Variants in VPS13B observed in about 807,000 individuals in gnomAD.
VPS13B encodes the protein intermembrane lipid transfer protein VPS13B.
A neutral mutation model predicts 426.4 loss-of-function variants in VPS13B; 285 were observed. That is an observed-to-expected ratio of 0.67 (90% CI 0.61 to 0.74). The LOEUF (loss-of-function observed/expected upper bound fraction) is 0.74, where lower values mean the gene tolerates loss of function less well. VPS13B is among the 30% of genes least tolerant of loss of function. VPS13B has a pLI of 0.00. For synonymous variants in VPS13B, 1,676 were observed against 1,676.4 expected, an observed-to-expected ratio of 1.00 and a Z score of 0.01; for missense variants, 4,537 against 4,782.6, an observed-to-expected ratio of 0.95 and a Z score of 1.51.
intron 17 of VPS13B, among the ~76,000 whole-genome samples, chr8:99,258,082 T>G (rs1817848849): frequency 6.6e-6 from 1 of 151,676 alleles, no homozygotes; most frequent in African/African-American, 2.4e-5. Context: ...AATGCTAAAT[T>G]ATCATCATTT....
At chr8:99,724,463 T>C (rs920848579) in intron 39 of VPS13B, among the ~76,000 whole-genome samples, 3 of 152,140 alleles carry the variant, frequency 2.0e-5, no homozygotes, top group Non-Finnish European at 4.4e-5. Context: ...TAGTGTATAT[T>C]ATAAAATGGG....
chr8:99,091,211 G>T (rs1305917693), intron 3 of VPS13B, among the ~76,000 whole-genome samples: 1 of 152,150 alleles, frequency 6.6e-6, no homozygotes, highest in Non-Finnish European at 1.5e-5. Context: ...TCCTTTTACT[G>T]AGTAGCATGG....
intron 19 of VPS13B, among the ~76,000 whole-genome samples, chr8:99,345,155 A>G (rs1348513819): frequency 1.3e-5 from 2 of 152,170 alleles, no homozygotes; most frequent in Admixed American, 6.5e-5. Flanking sequence ...ATAGTATGCA[A>G]TGCTAGGTAT....
intron 54 of VPS13B, among the ~76,000 whole-genome samples, chr8:99,846,444 C>T (rs1479537759): frequency 6.6e-6 from 1 of 152,182 alleles, no homozygotes; most frequent in African/African-American, 2.4e-5. Context: ...AACCATTAGA[C>T]CAAGATAAGG....
At chr8:99,606,736 C>T (rs1022742440) in intron 33 of VPS13B, among the ~76,000 whole-genome samples, 1 of 150,036 alleles carries the variant, frequency 6.7e-6, no homozygotes, top group African/African-American at 2.5e-5. Context: ...TCAAGCGATT[C>T]TCCTGCCTCA....
intron 19 of VPS13B, among the ~76,000 whole-genome samples, chr8:99,377,945 G>A (rs544794330): frequency 6.6e-5 from 10 of 152,260 alleles, no homozygotes; most frequent in Admixed American, 4.6e-4. Flanking sequence ...TCCGTGTCCC[G>A]CTGTGCACTC....
intron 19 of VPS13B, among the ~76,000 whole-genome samples, chr8:99,298,651 C>G (rs1301772887): frequency 1.3e-5 from 2 of 152,164 alleles, no homozygotes; most frequent in Non-Finnish European, 2.9e-5. Context: ...TAATTCTACT[C>G]TCAAGTATCT....
At chr8:99,320,692 T>G (rs1192557286) in intron 19 of VPS13B, among the ~76,000 whole-genome samples, 1 of 152,252 alleles carries the variant, frequency 6.6e-6, no homozygotes, top group Non-Finnish European at 1.5e-5. Context: ...TTTTATAGAA[T>G]GGTGAACCTT....
At chr8:99,289,410 C>T (rs569686415) in intron 19 of VPS13B, among the ~76,000 whole-genome samples, 141 of 151,726 alleles carry the variant, frequency 9.3e-4, no homozygotes, top group Non-Finnish European at 1.6e-3. Context: ...TTGTTTTTAC[C>T]CTCACTTCCA....
intron 36 of VPS13B, among the ~76,000 whole-genome samples, chr8:99,702,595 A>G (rs1414921582): frequency 1.3e-5 from 2 of 152,156 alleles, no homozygotes; most frequent in African/African-American, 2.4e-5. Flanking sequence ...TAACTCCCCA[A>G]TGAGAGAACA....
intron 30 of VPS13B, among the ~76,000 whole-genome samples, chr8:99,555,627 G>A (rs1327745937): frequency 6.6e-6 from 1 of 152,080 alleles, no homozygotes; most frequent in African/African-American, 2.4e-5. Flanking sequence ...AATTCAGGCA[G>A]ACTTAAGTTT....
chr8:99,334,566 G>A (rs570184257), intron 19 of VPS13B, among the ~76,000 whole-genome samples: 88 of 152,242 alleles, frequency 5.8e-4, no homozygotes, highest in African/African-American at 1.6e-3. Context: ...AGCGTGAAGC[G>A]TTGTTGAATT....
chr8:99,086,897 G>C (rs1416621692), intron 3 of VPS13B, among the ~76,000 whole-genome samples: 1 of 152,176 alleles, frequency 6.6e-6, no homozygotes, highest in African/African-American at 2.4e-5. Flanking sequence ...TAGGCTACTC[G>C]GGGGTCAGGG....
rs1209660649 is a variant in VPS13B, at chr8:99,455,787, A to G, written c.3446-11627A>G. ...ACATTTTGGTGTTCTTCCATGATGT[A>G]GCATATATCAGTAGTGTTCCTTTTT... On this transcript the variant is annotated intron_variant, in intron 23 of 61. Coordinates refer to ENST00000357162, the MANE Select transcript of VPS13B (RefSeq NM_152564.5). Among the ~76,000 whole-genome samples, 4 of 152,186 alleles carry G rather than the reference A, an allele frequency of 2.6e-5. No individual in the cohort carries two copies. In the East Asian group the frequency reaches 7.7e-4, roughly 29 times the overall value.
chr8:99,214,382 T>C (rs1260307069), intron 17 of VPS13B, among the ~76,000 whole-genome samples: 1 of 152,208 alleles, frequency 6.6e-6, no homozygotes, highest in Non-Finnish European at 1.5e-5. Context: ...ACTTTTCATA[T>C]GGTGCCTATT....
intron 33 of VPS13B, among the ~76,000 whole-genome samples, chr8:99,604,169 C>G (rs1419150450): frequency 2.6e-5 from 4 of 151,984 alleles, no homozygotes; most frequent in Non-Finnish European, 4.4e-5. Flanking sequence ...GAATGTAGCT[C>G]TTTTAAAATT....
At chr8:99,228,714 G>C (rs1816154494) in intron 17 of VPS13B, among the ~76,000 whole-genome samples, 1 of 151,946 alleles carries the variant, frequency 6.6e-6, no homozygotes, top group Non-Finnish European at 1.5e-5. Flanking sequence ...GGTACATTAT[G>C]AGGCACTGGG....
chr8:99,819,499 A>T lies in VPS13B; in HGVS notation c.8709A>T (p.Thr2903=). 6.2e-7 allele frequency: 1 copy of T among 1,613,954 alleles called. No homozygotes were observed. Among genetic ancestry groups the T allele is most frequent in the Non-Finnish European group, 8.5e-7 (1 of 1,179,892 alleles). ...QIATKVHPGG[T]VNQILDEFYG... ...CCACTAAGGTACACCCTGGAGGCAC[A>T]GTTAATCAGATCCTTGACGAATTCT... Residue 2903 remains threonine, a synonymous_variant, in exon 48 of 62, where the codon ACA becomes ACT. Coordinates refer to ENST00000357162, the MANE Select transcript of VPS13B (RefSeq NM_152564.5).
rs371985144 is a variant in VPS13B at position 99,871,643 on chromosome 8, G to C, written c.11691G>C (p.Gln3897His). The change falls in exon 61 of 62, where the codon CAG becomes CAC. Residue 3897 changes from glutamine to histidine, a missense_variant. This residue lies in a region of VPS13B where 4,311 missense variants were observed against 4,474.3 expected (regional missense o/e 0.96). Transcript: ENST00000357162. Reference protein sequence around the residue: ...TEIDCAQDSKQNNLLTVQLKQ... With the variant: ...TEIDCAQDSKHNNLLTVQLKQ... Reference sequence around the variant, plus strand: ...TCGACTGTGCACAGGACAGCAAGCAGAACAACTTACTCACAGTGCAGCTCA... The same window carrying C: ...TCGACTGTGCACAGGACAGCAAGCACAACAACTTACTCACAGTGCAGCTCA... The C allele has an allele frequency of 3.8e-5, 62 of 1,614,074 alleles. No individual in the cohort carries two copies. Among genetic ancestry groups the C allele is most frequent in the Non-Finnish European group, 5.1e-5 (60 of 1,180,066 alleles).
Sources: gnomAD v4.1 joint callset for allele counts (sites outside exome capture counted in the v4.1 genomes callset) on GRCh38, gnomAD v4.1.1 for gene constraint, gnomAD v4.1.1 regional missense constraint, MANE v1.5 for transcripts, NCBI Gene and HGNC (gene_info 2026-07-23, HGNC 2026-07-21) for gene names.